The following RBL2 variants were observed in gnomAD, a reference collection of about 807,000 sequenced individuals.
RBL2 encodes RB transcriptional corepressor like 2.
In RBL2, 56 loss-of-function variants were observed where a neutral mutation model predicts 126.0. The ratio of observed to expected loss-of-function variants is 0.44; its 90% confidence interval spans 0.36 to 0.56. The LOEUF (loss-of-function observed/expected upper bound fraction) is 0.56. Among genes scored for constraint, RBL2 ranks in the 20% least tolerant of loss-of-function variants. The probability of loss-of-function intolerance (pLI) is 0.00; values close to 1 mark genes in which losing one functional copy is unlikely to be tolerated. For synonymous variants in RBL2, 454 were observed against 478.5 expected (o/e 0.95, Z 0.67); for missense variants, 1,229 against 1,398.2 (o/e 0.88, Z 1.93).
chr16:53,471,704 G>C (rs934002019), intron 17 of RBL2, among the ~76,000 whole-genome samples: 1 of 152,160 alleles, frequency 6.6e-6, no homozygotes, highest in African/African-American at 2.4e-5. Context: ...CCTGACCTCA[G>C]GTGATCTGCC....
At chr16:53,452,402 TTAAAA>T (rs1410792825) in intron 5 of RBL2, among the ~76,000 whole-genome samples, 2 of 152,140 alleles carry the variant, frequency 1.3e-5, no homozygotes, top group Non-Finnish European at 2.9e-5. Context: ...ATGTATAGAG[TTAAAA>T]TAAATATTGC....
At chr16:53,438,561 G>C (rs2057981309) in intron 1 of RBL2, among the ~76,000 whole-genome samples, 1 of 151,842 alleles carries the variant, frequency 6.6e-6, no homozygotes, top group South Asian at 2.1e-4. Context: ...AGAGCCTACG[G>C]GGCTGGGTAC....
At chr16:53,483,943 A>AAAG (rs1555570398) in intron 21 of RBL2, among the ~76,000 whole-genome samples, 10 of 141,452 alleles carry the variant, frequency 7.1e-5, no homozygotes, top group African/African-American at 2.7e-4. Flanking sequence ...AAAAAAAAAA[A>AAAG]GGTGTAAAGG....
At position 53,470,922 on chromosome 16, in the gene RBL2, G is replaced by A. The variant is rs2058317515; in HGVS notation, c.2703G>A (p.Lys901=). 1 of 1,604,664 alleles carries A rather than the reference G, an allele frequency of 6.2e-7. No individual in the cohort carries two copies. Among genetic ancestry groups the A allele is most frequent in the South Asian group, 1.1e-5 (1 of 89,318 alleles). Reference sequence around the variant, plus strand: ...TGTGTGCCATTTATGTGATGGCAAAGGTGAGTACCATTTGGAATTGTAAAG... The same window carrying A: ...TGTGTGCCATTTATGTGATGGCAAAAGTGAGTACCATTTGGAATTGTAAAG... The part of the protein sequence containing the change: ...LLMCAIYVMA[K]VTKEDKSFQN... Residue 901 remains lysine (K), a splice_region_variant and synonymous_variant, in exon 17 of 22, where the codon AAG becomes AAA. Coordinates refer to ENST00000262133, the MANE Select transcript of RBL2 (RefSeq NM_005611.4).
intron 7 of RBL2, chr16:53,454,272 T>G (rs937134453): frequency 4.5e-6 from 2 of 445,546 alleles, no homozygotes; most frequent in Non-Finnish European, 8.9e-6. Context: ...TGGCATGATC[T>G]CGGCTCACTG....
intron 13 of RBL2, chr16:53,466,236 T>C (rs780947002): frequency 6.6e-6 from 1 of 152,092 alleles, no homozygotes; most frequent in Non-Finnish European, 1.5e-5. Flanking sequence ...GAGTAAAAAT[T>C]CAGTGTTCTT....
intron 17 of RBL2, among the ~76,000 whole-genome samples, chr16:53,474,598 G>A (rs1960655564): frequency 6.6e-6 from 1 of 152,248 alleles, no homozygotes; most frequent in Non-Finnish European, 1.5e-5. Flanking sequence ...TTATAGGCGT[G>A]AGCCACGGTG....
intron 14 of RBL2, 70 bp from the exon 15 acceptor site, chr16:53,469,846 A>G: frequency 1.4e-6 from 2 of 1,452,126 alleles, no homozygotes; most frequent in East Asian, 2.3e-5. Flanking sequence ...TTTTAACATA[A>G]GAGCTTGGAC....
chr16:53,470,313 AT>A, intron 15 of RBL2, 69 bp from the exon 16 acceptor site: 1 of 1,569,778 alleles, frequency 6.4e-7, no homozygotes, highest in Non-Finnish European at 8.7e-7. Context: ...GAGAGCAGAA[AT>A]TGTAAACCTC....
intron 13 of RBL2, among the ~76,000 whole-genome samples, chr16:53,466,518 G>A (rs1184659598): frequency 6.6e-6 from 1 of 151,754 alleles, no homozygotes; most frequent in African/African-American, 2.4e-5. Flanking sequence ...TCCCATCTGG[G>A]GGCGGTGGGA....
At chr16:53,472,037 C>G (rs149611719) in intron 17 of RBL2, among the ~76,000 whole-genome samples, 47 of 152,236 alleles carry the variant, frequency 3.1e-4, no homozygotes, top group African/African-American at 1.1e-3. Flanking sequence ...GTGTATGGCT[C>G]CTTTTACTTA....
chr16:53,457,214 GT>G (rs1383315273), intron 8 of RBL2, among the ~76,000 whole-genome samples: 2 of 149,430 alleles, frequency 1.3e-5, no homozygotes, highest in Non-Finnish European at 3.0e-5. Context: ...GAGGTTAGGG[GT>G]TGTGTATATA....
Position 53,467,123 on chromosome 16 carries a change from C to T in RBL2, c.1929C>T (p.Pro643=). 1.9e-6 allele frequency: 3 copies of T among 1,614,030 alleles called. No individual in the cohort carries two copies. The highest frequency in any genetic ancestry group is 1.1e-5 in the South Asian group (1 of 91,080). The change falls in exon 14 of 22, where the codon CCC becomes CCT. Residue 643 remains proline, a synonymous_variant. Transcript: ENST00000262133. The part of the protein sequence containing the change: ...EICIAGSPLT[P]RRVTEVRADT... ...GCATTGCTGGCTCCCCTTTGACTCC[C>T]AGAAGGGTGACTGAAGTTCGTGCTG...
At chr16:53,454,491 C>T (rs1277803865) in intron 7 of RBL2, 165 bp from the exon 8 acceptor site, 1 of 624,000 alleles carries the variant, frequency 1.6e-6, no homozygotes, top group Non-Finnish European at 2.7e-6. Context: ...ACGGGAGCTA[C>T]TGCACCCAGC....
chr16:53,454,648 T>A lies in RBL2; in HGVS notation c.993-8T>A, dbSNP rs1461711979. 6.3e-7 allele frequency: 1 copy of A among 1,594,128 alleles called. No homozygotes were observed. The highest frequency in any genetic ancestry group is 8.6e-7 in the Non-Finnish European group (1 of 1,166,664). On this transcript the variant is annotated splice_polypyrimidine_tract_variant and splice_region_variant and intron_variant, in intron 7 of 21. Coordinates refer to ENST00000262133, the MANE Select transcript of RBL2 (RefSeq NM_005611.4). ...AGTACATTTTGTCTGTATTTGTTTT[T>A]CCTATAGTAAAGCCATCAATAAGGC...
At chr16:53,482,914 TGAG>T (rs923411968) in intron 21 of RBL2, among the ~76,000 whole-genome samples, 3 of 152,016 alleles carry the variant, frequency 2.0e-5, no homozygotes, top group Non-Finnish European at 2.9e-5. Flanking sequence ...AAGGTATCAT[TGAG>T]GAGACTAGGG....
intron 21 of RBL2, chr16:53,488,869 G>C (rs972090273): frequency 6.6e-6 from 1 of 152,162 alleles, no homozygotes; most frequent in African/African-American, 2.4e-5. Flanking sequence ...CAGACTCTTA[G>C]GAAGGCAGAA....
At chr16:53,479,279 T>G in intron 18 of RBL2, 54 bp downstream of exon 18, 2 of 1,496,386 alleles carry the variant, frequency 1.3e-6, no homozygotes, top group Admixed American at 3.4e-5. Context: ...CTGTGATGAA[T>G]ACAAAAAATT....
intron 3 of RBL2, chr16:53,443,298 T>G (rs2058033614): frequency 6.6e-6 from 1 of 152,542 alleles, no homozygotes; most frequent in Non-Finnish European, 1.5e-5. Context: ...AATGTATTGT[T>G]CCAATTTTAG....
Sources: allele counts gnomAD v4.1 joint callset (sites outside exome capture counted in the v4.1 genomes callset), GRCh38; gene constraint gnomAD v4.1.1; transcripts MANE v1.5; gene names NCBI Gene and HGNC (gene_info 2026-07-23, HGNC 2026-07-21).